BBS9: variants seen among roughly 807,000 people sequenced by gnomAD.
BBS9 encodes protein PTHB1.
Under a neutral mutation model 117.7 loss-of-function variants are expected in BBS9, and 89 were observed. The observed-to-expected ratio is 0.76, with a 90% confidence interval of 0.64 to 0.90. BBS9 has a LOEUF of 0.90. Among genes scored for constraint, BBS9 ranks in the 40% least tolerant of loss-of-function variants. The pLI, the probability that BBS9 is intolerant of heterozygous loss-of-function variation, is 0.00. For synonymous variants in BBS9, 379 were observed against 370.9 expected (o/e 1.02, Z -0.25); for missense variants, 982 against 1,042.2 (o/e 0.94, Z 0.80).
chr7:33,155,750 TAATG>T (rs1362086769), intron 4 of BBS9, 48 bp downstream of exon 4: 1 of 1,088,102 alleles, frequency 9.2e-7, no homozygotes, highest in Non-Finnish European at 1.4e-6. Flanking sequence ...AAATTGGGCT[TAATG>T]TTATATGAGA....
At chr7:33,513,408 A>T (rs568669483) in intron 20 of BBS9, among the ~76,000 whole-genome samples, 1 of 152,072 alleles carries the variant, frequency 6.6e-6, no homozygotes, top group South Asian at 2.1e-4. Flanking sequence ...TCTAATAAAT[A>T]TAAGGAAATA....
intron 1 of BBS9, among the ~76,000 whole-genome samples, chr7:33,142,592 TCTC>T (rs1339903423): frequency 6.6e-6 from 1 of 152,206 alleles, no homozygotes; most frequent in African/African-American, 2.4e-5. Context: ...TATTAACAGT[TCTC>T]CTTTCTCCCT....
chr7:33,190,020 C>T (rs1285496055), intron 5 of BBS9, among the ~76,000 whole-genome samples: 1 of 151,610 alleles, frequency 6.6e-6, no homozygotes, highest in Non-Finnish European at 1.5e-5. Context: ...CCGTGACTGG[C>T]TCTTTCTTCA....
At chr7:33,553,259 A>T (rs1242452312) in intron 21 of BBS9, among the ~76,000 whole-genome samples, 1 of 152,170 alleles carries the variant, frequency 6.6e-6, no homozygotes, top group East Asian at 1.9e-4. Context: ...GGGCTATTTA[A>T]TATTTCCCCA....
At position 33,604,984 on chromosome 7, in the gene BBS9, C is replaced by A. The variant is rs148654647; in HGVS notation, c.2632+9C>A. ...AGAGACACCCAGGCCTGGTAAGAGA[C>A]TGGATGGCCTTCACAAGCGTTAGTT... On this transcript the variant is annotated intron_variant, in intron 22 of 22. Coordinates refer to ENST00000242067, the MANE Select transcript of BBS9 (RefSeq NM_198428.3). The A allele has an allele frequency of 4.0e-4, 642 of 1,592,062 alleles. 3 individuals carry two copies. In the African/African-American group the frequency reaches 7.8e-3, roughly 19 times the overall value.
chr7:33,252,865 T>A (rs1796436320), intron 5 of BBS9, among the ~76,000 whole-genome samples: 1 of 152,172 alleles, frequency 6.6e-6, no homozygotes, highest in South Asian at 2.1e-4. Context: ...GACTTAATTT[T>A]TTTATATTTT....
intron 21 of BBS9, among the ~76,000 whole-genome samples, chr7:33,553,319 A>G (rs923703521): frequency 2.6e-5 from 4 of 152,188 alleles, no homozygotes; most frequent in African/African-American, 9.7e-5. Flanking sequence ...GTTAGCTACT[A>G]TGGTATAGCT....
At chr7:33,152,954 T>C in intron 3 of BBS9, 103 bp downstream of exon 3, 1 of 1,334,090 alleles carries the variant, frequency 7.5e-7, no homozygotes, top group Non-Finnish European at 1.1e-6. Context: ...GAATTAAATA[T>C]ATTTTCTGGA....
intron 19 of BBS9, among the ~76,000 whole-genome samples, chr7:33,434,647 C>G (rs146307417): frequency 5.9e-5 from 9 of 152,262 alleles, no homozygotes; most frequent in Non-Finnish European, 1.2e-4. Context: ...ACTGAGATCT[C>G]ATTGTGTTTC....
At chr7:33,304,178 G>T (rs1055378984) in intron 9 of BBS9, among the ~76,000 whole-genome samples, 3 of 148,000 alleles carry the variant, frequency 2.0e-5, no homozygotes, top group African/African-American at 7.5e-5. Context: ...AGGAAGTGAG[G>T]AGCGTTTCTG....
intron 19 of BBS9, among the ~76,000 whole-genome samples, chr7:33,481,343 A>G (rs375867920): frequency 6.6e-6 from 1 of 152,192 alleles, no homozygotes; most frequent in East Asian, 1.9e-4. Flanking sequence ...TTGGGAAGAC[A>G]TTGAATATTG....
chr7:33,505,370 G>A (rs1392513753), intron 19 of BBS9, 93 bp from the exon 20 acceptor site: 1 of 1,206,278 alleles, frequency 8.3e-7, no homozygotes, highest in Non-Finnish European at 1.2e-6. Flanking sequence ...TCATCAAGTT[G>A]TCTTGAAGAA....
chr7:33,460,776 A>AT (rs1331405185), intron 19 of BBS9, among the ~76,000 whole-genome samples: 1 of 152,062 alleles, frequency 6.6e-6, no homozygotes, highest in East Asian at 1.9e-4. Flanking sequence ...AAAGCGAAGA[A>AT]TTCATTGACA....
intron 20 of BBS9, among the ~76,000 whole-genome samples, chr7:33,527,383 T>A (rs1027865109): frequency 1.3e-5 from 2 of 152,110 alleles, no homozygotes; most frequent in African/African-American, 4.8e-5. Flanking sequence ...CAGACTGCTG[T>A]GCTAGCAATC....
At chr7:33,621,316 T>A (rs1865394117) in intron 21 of BBS9, among the ~76,000 whole-genome samples, 1 of 151,978 alleles carries the variant, frequency 6.6e-6, no homozygotes, top group Admixed American at 6.5e-5. Flanking sequence ...ATATCCAAAA[T>A]ACATAAGGGA....
intron 7 of BBS9, among the ~76,000 whole-genome samples, chr7:33,266,527 G>A (rs1798851168): frequency 6.6e-6 from 1 of 152,152 alleles, no homozygotes; most frequent in Non-Finnish European, 1.5e-5. Context: ...CGTTCAGTGT[G>A]CACCTGAAAA....
intron 4 of BBS9, among the ~76,000 whole-genome samples, chr7:33,158,206 A>G (rs537691032): frequency 8.6e-4 from 131 of 152,324 alleles, no homozygotes; most frequent in Non-Finnish European, 1.6e-3. Flanking sequence ...TAGATTGCTC[A>G]GCAGTTACCT....
At chr7:33,554,581 G>A (rs974392664) in intron 21 of BBS9, among the ~76,000 whole-genome samples, 1 of 152,104 alleles carries the variant, frequency 6.6e-6, no homozygotes, top group Non-Finnish European at 1.5e-5. Context: ...GGAAGTCTGA[G>A]GGAAGAACAG....
Position 33,568,561 on chromosome 7 carries a change from A to G in BBS9, c.2521+34385A>G, listed in dbSNP as rs144201379. On this transcript the variant is annotated intron_variant, in intron 21 of 22. Transcript: ENST00000242067. ...GTTCCTGGAACATAGTGGATACTAC[A>G]AAGCTATTTCTTGAGTTGAGTGTAT... 4.6e-5 allele frequency among the ~76,000 whole-genome samples: 7 copies of G among 152,348 alleles called. No individual in the cohort carries two copies. The East Asian group carries it at 1.4e-3, about 29-fold the overall frequency.
Sources: allele counts gnomAD v4.1 joint callset (sites outside exome capture counted in the v4.1 genomes callset), GRCh38; gene constraint gnomAD v4.1.1; transcripts MANE v1.5; gene names NCBI Gene and HGNC (gene_info 2026-07-23, HGNC 2026-07-21).